RBFOX1: variants seen among roughly 807,000 people sequenced by gnomAD.
RBFOX1 encodes the protein RNA binding fox-1 homolog 1.
Under a neutral mutation model 57.7 loss-of-function variants are expected in RBFOX1, and 8 were observed. The observed-to-expected ratio is 0.14, with a 90% CI of 0.08 to 0.25. RBFOX1 has a LOEUF of 0.25. RBFOX1 is among the 10% of genes least tolerant of loss of function. The pLI is 1.00. For missense variants in RBFOX1, 611 were observed against 548.5 expected, an observed-to-expected ratio of 1.11 and a Z score of -1.14; for synonymous variants, 326 against 222.4, an observed-to-expected ratio of 1.47 and a Z score of -4.15.
At chr16:5,264,195 A>G (rs565004709) in intron 1 of RBFOX1, among the ~76,000 whole-genome samples, 31 of 152,286 alleles carry the variant, frequency 2.0e-4, no homozygotes, top group Non-Finnish European at 3.8e-4. Context: ...TAGAGTGGCG[A>G]TGTTAGGTCT....
At chr16:6,811,049 A>T (rs1182350895) in intron 3 of RBFOX1, among the ~76,000 whole-genome samples, 3 of 152,222 alleles carry the variant, frequency 2.0e-5, no homozygotes, top group Admixed American at 2.0e-4. Flanking sequence ...TGATGATAAG[A>T]TACCCCGAAA....
At chr16:6,734,771 A>G (rs1299618916) in intron 3 of RBFOX1, among the ~76,000 whole-genome samples, 1 of 152,174 alleles carries the variant, frequency 6.6e-6, no homozygotes, top group South Asian at 2.1e-4. Flanking sequence ...TCAGGACAAT[A>G]TAAGTTGTAC....
intron 2 of RBFOX1, among the ~76,000 whole-genome samples, chr16:6,428,309 A>AAT (rs2093986802): frequency 1.3e-5 from 2 of 150,834 alleles, no homozygotes; most frequent in African/African-American, 4.9e-5. Flanking sequence ...AAAAAAAAAA[A>AAT]GTGCTCGATG....
chr16:5,624,295 C>G (rs1177901567), intron 3 of RBFOX1, among the ~76,000 whole-genome samples: 1 of 152,178 alleles, frequency 6.6e-6, no homozygotes, highest in Non-Finnish European at 1.5e-5. Context: ...TCTGGGTTCA[C>G]ACCATTCTCC....
intron 4 of RBFOX1, among the ~76,000 whole-genome samples, chr16:7,125,629 A>G (rs956034918): frequency 6.6e-6 from 1 of 152,170 alleles, no homozygotes; most frequent in African/African-American, 2.4e-5. Flanking sequence ...GAAGATGGAT[A>G]TCGTTAACTC....
At chr16:6,614,997 G>C (rs1239424329) in intron 2 of RBFOX1, among the ~76,000 whole-genome samples, 5 of 152,164 alleles carry the variant, frequency 3.3e-5, no homozygotes, top group Non-Finnish European at 7.3e-5. Context: ...ATTGTTTTGG[G>C]CATTATTTAT....
intron 2 of RBFOX1, among the ~76,000 whole-genome samples, chr16:6,527,985 C>T (rs1185853893): frequency 2.0e-5 from 3 of 152,172 alleles, no homozygotes; most frequent in Admixed American, 6.5e-5. Flanking sequence ...ATGTTTCATG[C>T]TCTCCTTACC....
intron 3 of RBFOX1, among the ~76,000 whole-genome samples, chr16:6,685,637 C>G (rs759090845): frequency 9.2e-5 from 14 of 151,966 alleles, no homozygotes; most frequent in East Asian, 3.9e-4. Flanking sequence ...ACATCATTTG[C>G]TAGTTACACA....
rs2154246767 is a variant in RBFOX1 at position 6,789,643 on chromosome 16, T to A, written c.-16+134993T>A. Among the ~76,000 whole-genome samples the A allele has an allele frequency of 2.6e-5, 4 of 152,348 alleles. No individual in the cohort carries two copies. In the South Asian group the frequency reaches 8.3e-4, roughly 32 times the overall value. On this transcript the variant is annotated intron_variant, in intron 3 of 15. Transcript: ENST00000550418. ...CATAAAAGGCATTTTTACATTTGTG[T>A]GCATTGGTGTGAGTTGTCTGTTTCT...
intron 5 of RBFOX1, among the ~76,000 whole-genome samples, chr16:7,518,625 T>G (rs772219984): frequency 6.6e-6 from 1 of 152,232 alleles, no homozygotes; most frequent in Non-Finnish European, 1.5e-5. Flanking sequence ...AAGGGGCACA[T>G]TTATCAATTT....
intron 5 of RBFOX1, among the ~76,000 whole-genome samples, chr16:7,532,914 G>C (rs773066056): frequency 1.3e-5 from 2 of 152,232 alleles, no homozygotes; most frequent in Non-Finnish European, 2.9e-5. Context: ...TTGTTGGCCT[G>C]CTGGCTGCAT....
intron 3 of RBFOX1, among the ~76,000 whole-genome samples, chr16:6,907,043 C>T (rs1018727926): frequency 1.3e-5 from 2 of 152,018 alleles, no homozygotes; most frequent in Non-Finnish European, 2.9e-5. Context: ...AAATTTAAAA[C>T]ATAATAATTG....
intron 3 of RBFOX1, among the ~76,000 whole-genome samples, chr16:6,709,945 C>T (rs1174395170): frequency 1.3e-5 from 2 of 152,104 alleles, no homozygotes. Context: ...AATCACTTGG[C>T]AATTTTGTGA....
At chr16:7,026,266 C>G (rs958984799) in intron 3 of RBFOX1, among the ~76,000 whole-genome samples, 13 of 152,116 alleles carry the variant, frequency 8.5e-5, no homozygotes, top group African/African-American at 9.7e-5. Context: ...CTTTCCTGCT[C>G]CTGACTTGGA....
chr16:6,490,521 C>T (rs747004697), intron 2 of RBFOX1, among the ~76,000 whole-genome samples: 15 of 152,158 alleles, frequency 9.9e-5, no homozygotes, highest in Non-Finnish European at 1.5e-4. Flanking sequence ...TAAATTTGTA[C>T]GTTACTTAAG....
intron 1 of RBFOX1, among the ~76,000 whole-genome samples, chr16:5,402,288 C>A (rs755475298): frequency 1.3e-5 from 2 of 152,198 alleles, no homozygotes; most frequent in South Asian, 2.1e-4. Context: ...TCGCCTCTAT[C>A]ATGTTGCTGG....
intron 4 of RBFOX1, among the ~76,000 whole-genome samples, chr16:7,298,065 T>C (rs1219819425): frequency 6.6e-6 from 1 of 152,210 alleles, no homozygotes; most frequent in Non-Finnish European, 1.5e-5. Flanking sequence ...ATCTATATCC[T>C]GAAACTTCTT....
intron 3 of RBFOX1, among the ~76,000 whole-genome samples, chr16:6,711,814 C>G (rs933666714): frequency 4.6e-5 from 7 of 152,160 alleles, no homozygotes; most frequent in African/African-American, 1.4e-4. Context: ...TGTCTATTTC[C>G]TCTACCTGGA....
At chr16:6,743,247 A>G (rs2072727920) in intron 3 of RBFOX1, among the ~76,000 whole-genome samples, 1 of 152,216 alleles carries the variant, frequency 6.6e-6, no homozygotes, top group Non-Finnish European at 1.5e-5. Context: ...ATTGTGAAAC[A>G]AGACACAAAA....
Sources: allele counts gnomAD v4.1 joint callset (sites outside exome capture counted in the v4.1 genomes callset), GRCh38; gene constraint gnomAD v4.1.1; transcripts MANE v1.5; gene names NCBI Gene and HGNC (gene_info 2026-07-23, HGNC 2026-07-21).